Variants in DRC11 observed in about 807,000 individuals in gnomAD.
DRC11 encodes the protein dynein regulatory complex subunit 11, also known as IQ and AAA domain-containing protein 1.
chr2:236,409,016 C>T, the DRC11 span: 18 of 663,420 alleles, frequency 2.7e-5, no homozygotes, highest in Non-Finnish European at 2.7e-6. Context: ...GCGTGCTGTG[C>T]ACTTCCGAGG....
chr2:236,488,115 C>T, the DRC11 span: 28 of 1,610,452 alleles, frequency 1.7e-5, no homozygotes, highest in East Asian at 1.8e-4. Flanking sequence ...AGCCCTTAGG[C>T]GACCTTGCCG....
At chr2:236,341,181 G>A in the DRC11 span, among the ~76,000 whole-genome samples, 3 of 152,212 alleles carry the variant, frequency 2.0e-5, no homozygotes, top group Non-Finnish European at 4.4e-5. Flanking sequence ...AGAAAGCAGC[G>A]ATTCCTTGGC....
At chr2:236,418,873 C>A in the DRC11 span, among the ~76,000 whole-genome samples, 1 of 152,202 alleles carries the variant, frequency 6.6e-6, no homozygotes, top group Non-Finnish European at 1.5e-5. Context: ...GGAAGGAAAA[C>A]TCAAAGCTAT....
chr2:236,381,624 C>T, the DRC11 span, among the ~76,000 whole-genome samples: 1 of 152,256 alleles, frequency 6.6e-6, no homozygotes, highest in Non-Finnish European at 1.5e-5. This position sits in a 1 kb window ranked among gnomAD's most constrained non-coding sequence, Gnocchi z 5.8. Flanking sequence ...GCCCTCAGGG[C>T]CTGGCAACAG....
chr2:236,491,218 A>AAT, the DRC11 span, among the ~76,000 whole-genome samples: 5 of 42,578 alleles, frequency 1.2e-4, no homozygotes, highest in African/African-American at 4.7e-4. Context: ...ATATACACAC[A>AAT]GTATATATAT....
chr2:236,428,117 T>G, the DRC11 span, among the ~76,000 whole-genome samples: 3 of 152,216 alleles, frequency 2.0e-5, no homozygotes, highest in East Asian at 5.8e-4. Flanking sequence ...GATTTTGATC[T>G]TCCTAAATTT....
chr2:236,402,363 C>T, the DRC11 span, among the ~76,000 whole-genome samples: 1 of 152,182 alleles, frequency 6.6e-6, no homozygotes, highest in East Asian at 1.9e-4. This position sits in a 1 kb window ranked among gnomAD's most constrained non-coding sequence, Gnocchi z 6.0. Flanking sequence ...TCCACCACGT[C>T]TTTTTTCAGC....
chr2:236,454,530 T>C, the DRC11 span, among the ~76,000 whole-genome samples: 1 of 152,216 alleles, frequency 6.6e-6, no homozygotes, highest in Non-Finnish European at 1.5e-5. The surrounding 1 kb of genome is among the most constrained non-coding windows in gnomAD (Gnocchi z 5.3). Flanking sequence ...AAAATATAAT[T>C]ACACAAGGAA....
the DRC11 span, chr2:236,392,093 TAC>T: frequency 1.9e-6 from 3 of 1,603,158 alleles, no homozygotes; most frequent in Non-Finnish European, 2.6e-6. This position sits in a 1 kb window ranked among gnomAD's most constrained non-coding sequence, Gnocchi z 5.1. Flanking sequence ...CAAAACATAC[TAC>T]TTTTAAGTCA....
At chr2:236,470,894 TA>T in the DRC11 span, among the ~76,000 whole-genome samples, 19 of 152,266 alleles carry the variant, frequency 1.2e-4, no homozygotes, top group Admixed American at 2.6e-4. This position sits in a 1 kb window ranked among gnomAD's most constrained non-coding sequence, Gnocchi z 5.1. Context: ...TTTTAGTATA[TA>T]AAAAAATTGC....
chr2:236,467,761 A>G, the DRC11 span, among the ~76,000 whole-genome samples: 1 of 152,246 alleles, frequency 6.6e-6, no homozygotes, highest in Non-Finnish European at 1.5e-5. Context: ...TAGAAAAGAC[A>G]TTAGCAAAAC....
At chr2:236,389,008 A>G in the DRC11 span, among the ~76,000 whole-genome samples, 1 of 152,000 alleles carries the variant, frequency 6.6e-6, no homozygotes, top group Non-Finnish European at 1.5e-5. Flanking sequence ...TTGAGGAGGC[A>G]GTCTGCCCGT....
chr2:236,498,793 C>T, the DRC11 span, among the ~76,000 whole-genome samples: 235 of 152,266 alleles, frequency 1.5e-3, no homozygotes, highest in Non-Finnish European at 2.1e-3. Flanking sequence ...TGAGTGTCCC[C>T]GCTTTTCCTG....
the DRC11 span, among the ~76,000 whole-genome samples, chr2:236,432,408 C>T: frequency 6.6e-6 from 1 of 152,022 alleles, no homozygotes; most frequent in Non-Finnish European, 1.5e-5. Flanking sequence ...TTTTGAAGTG[C>T]AAAAGTTTTG....
chr2:236,497,467 T>G, the DRC11 span: 1 of 1,609,790 alleles, frequency 6.2e-7, no homozygotes, highest in Non-Finnish European at 8.5e-7. This position sits in a 1 kb window ranked among gnomAD's most constrained non-coding sequence, Gnocchi z 5.1. Context: ...TTGGGTCTGA[T>G]GCCACATCTT....
chr2:236,390,738 G>GGTGCA, the DRC11 span, among the ~76,000 whole-genome samples: 2 of 151,814 alleles, frequency 1.3e-5, no homozygotes, highest in South Asian at 2.1e-4. The surrounding 1 kb of genome is among the most constrained non-coding windows in gnomAD (Gnocchi z 5.9). Context: ...ATAGAAGCAA[G>GGTGCA]GTGCACCCAG....
At chr2:236,350,313 C>G in the DRC11 span, among the ~76,000 whole-genome samples, 1 of 152,162 alleles carries the variant, frequency 6.6e-6, no homozygotes, top group Non-Finnish European at 1.5e-5. This position sits in a 1 kb window ranked among gnomAD's most constrained non-coding sequence, Gnocchi z 5.2. Context: ...GAAGGAATTG[C>G]TCTCCCTAGT....
the DRC11 span, among the ~76,000 whole-genome samples, chr2:236,319,069 C>T: frequency 2.6e-5 from 4 of 152,200 alleles, no homozygotes; most frequent in African/African-American, 7.2e-5. This position sits in a 1 kb window ranked among gnomAD's most constrained non-coding sequence, Gnocchi z 6.7. Flanking sequence ...AGGGCCCCAG[C>T]TTTTTTGGGG....
the DRC11 span, among the ~76,000 whole-genome samples, chr2:236,441,704 T>C: frequency 0.014 from 2,063 of 152,284 alleles, 23 homozygotes; most frequent in Non-Finnish European, 0.02. Flanking sequence ...TTAAAAGAAG[T>C]TGACTTTGAC....
Sources: gnomAD v4.1 joint callset for allele counts (sites outside exome capture counted in the v4.1 genomes callset) on GRCh38, gnomAD v4.1.1 for gene constraint, Gnocchi (gnomAD v3.1) non-coding constraint, MANE v1.5 for transcripts, NCBI Gene and HGNC (gene_info 2026-07-23, HGNC 2026-07-21) for gene names.